KNDC1: variants seen among roughly 807,000 people sequenced by gnomAD.
KNDC1 encodes the protein kinase non-catalytic C-lobe domain-containing protein 1.
KNDC1 carries 106 observed loss-of-function variants against 172.8 expected under a neutral mutation model. That is an observed-to-expected ratio of 0.61 (90% CI 0.52 to 0.72). KNDC1 has a LOEUF of 0.72. Among genes scored for constraint, KNDC1 ranks in the 30% least tolerant of loss-of-function variants. The pLI is 0.00. For missense variants in KNDC1, 2,325 were observed against 2,394.5 expected, an observed-to-expected ratio of 0.97 and a Z score of 0.61; for synonymous variants, 1,083 against 1,062.2, an observed-to-expected ratio of 1.02 and a Z score of -0.38.
intron 3 of KNDC1, among the ~76,000 whole-genome samples, chr10:133,180,786 CAT>C (rs1351334063): frequency 1.3e-5 from 2 of 152,254 alleles, no homozygotes; most frequent in Non-Finnish European, 2.9e-5. Context: ...GCGGAGAAAG[CAT>C]AGTCCTTGCA....
chr10:133,171,614 G>T (rs926647774), intron 3 of KNDC1, among the ~76,000 whole-genome samples: 1 of 151,636 alleles, frequency 6.6e-6, no homozygotes, highest in African/African-American at 2.4e-5. Flanking sequence ...CTGTTTGTTT[G>T]TTGCTAGTCT....
chr10:133,177,877 GGTGT>G (rs766157977), intron 3 of KNDC1, among the ~76,000 whole-genome samples: 39 of 149,944 alleles, frequency 2.6e-4, no homozygotes, highest in Non-Finnish European at 4.7e-4. Context: ...TGTGTAGCAT[GGTGT>G]GTGTGTAGTG....
chr10:133,164,379 G>A (rs1853078921), intron 1 of KNDC1: 1 of 152,414 alleles, frequency 6.6e-6, no homozygotes, highest in Non-Finnish European at 1.5e-5. Flanking sequence ...CCACAACAAG[G>A]TCAGACTGTA....
chr10:133,199,424 C>G, intron 14 of KNDC1, 34 bp from the exon 15 acceptor site: 2 of 1,607,558 alleles, frequency 1.2e-6, no homozygotes, highest in Non-Finnish European at 1.7e-6. Context: ...GCCCTGCCAC[C>G]ATCTCACTTG....
In KNDC1 at chr10:133,224,624, G is replaced by A. The variant is rs11101648; in HGVS notation, c.5019-35G>A. On this transcript the variant is annotated intron_variant, in intron 29 of 29. Transcript: ENST00000304613. The surrounding 1 kb of genome is among the most constrained non-coding windows in gnomAD (Gnocchi z 5.4). ...CCCACGGAAGCCGCGCCCCTGCCCT[G>A]TGCAAACTAACGTCTCTTCTTTCCT... 0.033 allele frequency: 51,772 copies of A among 1,576,456 alleles called. 1,253 individuals are homozygous for A. Among genetic ancestry groups the A allele is most frequent in the African/African-American group, 0.12 (9,048 of 74,244 alleles).
intron 14 of KNDC1, 54 bp from the exon 15 acceptor site, chr10:133,199,404 C>A (rs920947388): frequency 1.2e-5 from 19 of 1,595,558 alleles, no homozygotes; most frequent in Non-Finnish European, 1.5e-5. Context: ...ACAAGGGAAC[C>A]AGATGAGCAG....
chr10:133,219,856 G>C, intron 28 of KNDC1, 99 bp from the exon 29 acceptor site: 1 of 1,219,484 alleles, frequency 8.2e-7, no homozygotes, highest in South Asian at 1.6e-5. Context: ...GAGAACGCAG[G>C]ACCCGCTGGG....
rs1267282360 is a variant in KNDC1 at position 133,199,320 on chromosome 10, C to G, written c.2758+54C>G. 1.6e-5 allele frequency: 24 copies of G among 1,547,560 alleles called. No homozygotes were observed. The East Asian group carries it at 2.0e-4, about 13-fold the overall frequency. On this transcript the variant is annotated intron_variant, in intron 14 of 29. Coordinates refer to ENST00000304613, the MANE Select transcript of KNDC1 (RefSeq NM_152643.8). ...GAGGCCCGGGCCAGGGAGAGCCCCA[C>G]AGGGGACTCGGGGCCGCCCCACGCC...
chr10:133,213,520 G>A, intron 24 of KNDC1, 125 bp from the exon 25 acceptor site: 3 of 752,856 alleles, frequency 4.0e-6, no homozygotes, highest in Non-Finnish European at 6.8e-6. Flanking sequence ...ACTGTTAGAT[G>A]GGTATTGAAC....
Position 133,195,699 on chromosome 10 carries a change from G to A in KNDC1, c.1612G>A (p.Ala538Thr), listed in dbSNP as rs149749895. The A allele has an allele frequency of 4.0e-4, 638 of 1,612,384 alleles. 2 individuals are homozygous for A. The African/African-American group carries it at 6.8e-3, about 17-fold the overall frequency. ...VYCVAAVLWT[A>T]AKFSVPRNHK... ...CTGTGTGGCCGCCGTTCTGTGGACC[G>A]CAGCCAAGTTCAGCGTCCCCCGCAA... is the stretch of plus-strand genomic sequence containing the variant. The change falls in exon 10 of 30, where the codon GCA becomes ACA. Residue 538 changes from alanine (A) to threonine (T), a missense_variant. Coordinates refer to ENST00000304613, the MANE Select transcript of KNDC1 (RefSeq NM_152643.8).
At chr10:133,188,479 C>A in intron 6 of KNDC1, 60 bp from the exon 7 acceptor site, 2 of 1,137,732 alleles carry the variant, frequency 1.8e-6, no homozygotes, top group Non-Finnish European at 2.5e-6. Context: ...ACATGCCTCT[C>A]CAGGCGGCGG....
intron 3 of KNDC1, among the ~76,000 whole-genome samples, chr10:133,178,580 C>T (rs1297408255): frequency 6.6e-6 from 1 of 152,078 alleles, no homozygotes; most frequent in African/African-American, 2.4e-5. Flanking sequence ...GGGTTCCGGT[C>T]CCCCCTCTGC....
Position 133,210,720 on chromosome 10 carries a change from A to T in KNDC1, c.3904A>T (p.Thr1302Ser). 1 of 1,611,480 alleles carries T rather than the reference A, an allele frequency of 6.2e-7. No homozygotes were observed. The highest frequency in any genetic ancestry group is 8.5e-7 in the Non-Finnish European group (1 of 1,177,586). Residue 1302 changes from threonine (T) to serine (S), a missense_variant, in exon 21 of 30, where the codon ACC becomes TCC. By Grantham distance (58) the Thr-to-Ser change is moderately conservative. Transcript: ENST00000304613. ...FLLDRINSTLTRAHQDPTSTF... is the reference protein window; with the variant it reads ...FLLDRINSTLSRAHQDPTSTF... ...CCTCGACCGCATCAACAGCACGCTGACCAGGTACCAAGCTCCACAGCTCCA... is the reference window on the plus strand; with the variant it reads ...CCTCGACCGCATCAACAGCACGCTGTCCAGGTACCAAGCTCCACAGCTCCA...
At chr10:133,190,488 C>T (rs1215508129) in intron 9 of KNDC1, among the ~76,000 whole-genome samples, 4 of 152,196 alleles carry the variant, frequency 2.6e-5, no homozygotes, top group Admixed American at 1.3e-4. Context: ...AGACGGCAGC[C>T]GGCGAGGGGC....
In KNDC1 at chr10:133,209,091, C is replaced by T. The variant is rs972404231; in HGVS notation, c.3795-1520C>T. On this transcript the variant is annotated intron_variant, in intron 20 of 29. Coordinates refer to ENST00000304613, the MANE Select transcript of KNDC1 (RefSeq NM_152643.8). The surrounding 1 kb of genome is among the most constrained non-coding windows in gnomAD (Gnocchi z 4.9). ...CATGTGTGGGGTGATGTGTGGCTTGCGTGCCCATGTATGGTGTGTGATGTG... is the reference window on the plus strand; with the variant it reads ...CATGTGTGGGGTGATGTGTGGCTTGTGTGCCCATGTATGGTGTGTGATGTG... Among the ~76,000 whole-genome samples the T allele has an allele frequency of 2.0e-5, 3 of 148,510 alleles. No homozygotes were observed. The highest frequency in any genetic ancestry group is 3.0e-5 in the Non-Finnish European group (2 of 67,318).
rs371708294 is a variant in KNDC1 at position 133,219,024 on chromosome 10, A to T, written c.4801-7A>T. 1 of 1,613,964 alleles carries T rather than the reference A, an allele frequency of 6.2e-7. No homozygotes were observed. The highest frequency in any genetic ancestry group is 8.5e-7 in the Non-Finnish European group (1 of 1,179,972). On this transcript the variant is annotated splice_region_variant and splice_polypyrimidine_tract_variant and intron_variant, in intron 27 of 29. Transcript: ENST00000304613. ...CCGCAGGAGGCTCACCTGTGCTTTC[A>T]TTTCAGGCCTGGAGAATTCTGCCTG...
chr10:133,174,132 A>G (rs955363885), intron 3 of KNDC1: 5 of 152,308 alleles, frequency 3.3e-5, no homozygotes, highest in African/African-American at 1.2e-4. Flanking sequence ...GTTCTGGTCT[A>G]CACAAGTGAC....
At chr10:133,162,055 G>T (rs1852993194) in intron 1 of KNDC1, among the ~76,000 whole-genome samples, 1 of 152,188 alleles carries the variant, frequency 6.6e-6, no homozygotes, top group South Asian at 2.1e-4. Flanking sequence ...ACTGGGGTGG[G>T]TGGCTCCATC....
chr10:133,184,306 A>ACACG (rs1853824026), intron 5 of KNDC1, among the ~76,000 whole-genome samples: 1 of 144,030 alleles, frequency 6.9e-6, no homozygotes, highest in Non-Finnish European at 1.5e-5. Flanking sequence ...CCATGCACAC[A>ACACG]CTGCACAACC....
Sources: allele counts gnomAD v4.1 joint callset (sites outside exome capture counted in the v4.1 genomes callset), GRCh38; gene constraint gnomAD v4.1.1; non-coding constraint Gnocchi (gnomAD v3.1); transcripts MANE v1.5; gene names NCBI Gene and HGNC (gene_info 2026-07-23, HGNC 2026-07-21).